The following PRR16 variants were observed in gnomAD, a reference collection of about 807,000 sequenced individuals.
PRR16 encodes protein Largen.
In PRR16, 6 loss-of-function variants were observed where a neutral mutation model predicts 18.2. That is an observed-to-expected ratio of 0.33 (90% CI 0.18 to 0.65). The LOEUF is 0.65. Among genes scored for constraint, PRR16 ranks in the 30% least tolerant of loss-of-function variants. The pLI is 0.74. For missense variants in PRR16, 412 were observed against 376.6 expected, an observed-to-expected ratio of 1.09 and a Z score of -0.78; for synonymous variants, 151 against 147.8, an observed-to-expected ratio of 1.02 and a Z score of -0.16.
At chr5:120,679,657 T>A (rs1368697206) in intron 1 of PRR16, among the ~76,000 whole-genome samples, 2 of 152,172 alleles carry the variant, frequency 1.3e-5, no homozygotes, top group Non-Finnish European at 2.9e-5. Flanking sequence ...AGATATTTAC[T>A]ATTCAACCTT....
intron 1 of PRR16, among the ~76,000 whole-genome samples, chr5:120,610,869 G>T (rs1440740920): frequency 6.6e-6 from 1 of 152,210 alleles, no homozygotes; most frequent in African/African-American, 2.4e-5. Context: ...TAGGTAACAG[G>T]CAGAGAGGTT....
chr5:120,659,332 TTC>T (rs1756097059), intron 1 of PRR16, among the ~76,000 whole-genome samples: 1 of 152,138 alleles, frequency 6.6e-6, no homozygotes, highest in Admixed American at 6.6e-5. Flanking sequence ...CCTTGAGAGT[TTC>T]TGTTTGTTTT....
At chr5:120,581,353 A>C (rs893308513) in intron 1 of PRR16, among the ~76,000 whole-genome samples, 3 of 152,098 alleles carry the variant, frequency 2.0e-5, no homozygotes, top group Admixed American at 1.3e-4. Context: ...TTTCTGTGGG[A>C]TCAGTGGTGA....
the PRR16 span, among the ~76,000 whole-genome samples, chr5:120,785,589 T>TTTTTTTTTTTTTTTTTG: frequency 3.5e-5 from 5 of 144,184 alleles, 1 homozygote; most frequent in South Asian, 4.5e-4. Flanking sequence ...TTTTTTTTTT[T>TTTTTTTTTTTTTTTTTG]TGAGACAGAG....
intron 1 of PRR16, among the ~76,000 whole-genome samples, chr5:120,638,902 G>C (rs938993378): frequency 3.9e-5 from 6 of 152,080 alleles, no homozygotes; most frequent in Admixed American, 2.6e-4. Context: ...AATATAGGAA[G>C]ATGTTATTTT....
At chr5:120,660,184 C>G (rs1756128612) in intron 1 of PRR16, among the ~76,000 whole-genome samples, 1 of 152,036 alleles carries the variant, frequency 6.6e-6, no homozygotes, top group African/African-American at 2.4e-5. Flanking sequence ...TAGAAATTTT[C>G]CATCTTCTAG....
chr5:120,465,100 G>C (rs1325003562), intron 1 of PRR16, among the ~76,000 whole-genome samples: 1 of 152,134 alleles, frequency 6.6e-6, no homozygotes, highest in East Asian at 1.9e-4. Context: ...GCCGGGTTCT[G>C]GGCCCTGGGC....
chr5:120,659,729 G>A (rs1309190750), intron 1 of PRR16, among the ~76,000 whole-genome samples: 3 of 151,766 alleles, frequency 2.0e-5, no homozygotes, highest in Non-Finnish European at 4.4e-5. Flanking sequence ...CTTGTCTCTT[G>A]TATTTATACT....
Position 120,550,703 on chromosome 5 carries a change from C to A in PRR16, c.159+86058C>A, listed in dbSNP as rs535738594. ...ATTTGTGTAAGTGCTCAGCATAATA[C>A]CTTCAACATAGCCATTTCCACCATT... On this transcript the variant is annotated intron_variant, in intron 1 of 1. Transcript: ENST00000407149. Among the ~76,000 whole-genome samples the A allele has an allele frequency of 2.8e-4, 42 of 152,102 alleles. 1 individual carries two copies. In the East Asian group the frequency reaches 7.6e-3, roughly 27 times the overall value.
chr5:120,578,179 G>T (rs1753142382), intron 1 of PRR16, among the ~76,000 whole-genome samples: 1 of 152,074 alleles, frequency 6.6e-6, no homozygotes, highest in Non-Finnish European at 1.5e-5. Context: ...GCATAAATTT[G>T]CTTGATTGTG....
chr5:120,532,803 A>C (rs1359394282), intron 1 of PRR16, among the ~76,000 whole-genome samples: 1 of 152,176 alleles, frequency 6.6e-6, no homozygotes, highest in Non-Finnish European at 1.5e-5. Flanking sequence ...ATACTAGAGA[A>C]ATGACAAAGA....
chr5:120,496,840 G>A lies in PRR16; in HGVS notation c.159+32195G>A, dbSNP rs779845761. On this transcript the variant is annotated intron_variant, in intron 1 of 1. Transcript: ENST00000407149. ...CTCTTAACTAATTTAAGTGTGCAGT[G>A]CTACACATTTCCCACTCAGCACTGC... is the stretch of plus-strand genomic sequence containing the variant. Among the ~76,000 whole-genome samples the A allele has an allele frequency of 1.0e-3, 156 of 151,964 alleles. 1 individual carries two copies. Among genetic ancestry groups the A allele is most frequent in the Non-Finnish European group, 1.8e-3 (125 of 67,940 alleles).
chr5:120,555,287 T>C (rs987154542), intron 1 of PRR16, among the ~76,000 whole-genome samples: 7 of 151,934 alleles, frequency 4.6e-5, no homozygotes, highest in African/African-American at 1.7e-4. Flanking sequence ...TCGAGCACTG[T>C]TAAAAATAAG....
intron 1 of PRR16, among the ~76,000 whole-genome samples, chr5:120,631,465 CT>C (rs1755051986): frequency 6.6e-6 from 1 of 152,038 alleles, no homozygotes; most frequent in African/African-American, 2.4e-5. Flanking sequence ...CACTGGTGGC[CT>C]AGAAATAGAT....
At chr5:120,704,779 C>T in the PRR16 span, among the ~76,000 whole-genome samples, 1 of 152,072 alleles carries the variant, frequency 6.6e-6, no homozygotes, top group African/African-American at 2.4e-5. Context: ...TAATACAATA[C>T]AGAGAATGGC....
At chr5:120,545,815 T>C (rs1752057669) in intron 1 of PRR16, among the ~76,000 whole-genome samples, 1 of 152,104 alleles carries the variant, frequency 6.6e-6, no homozygotes, top group Non-Finnish European at 1.5e-5. Context: ...CACATTTGAT[T>C]CCTAATTCCC....
the PRR16 span, among the ~76,000 whole-genome samples, chr5:120,702,599 C>A: frequency 1.3e-5 from 2 of 152,082 alleles, no homozygotes; most frequent in Admixed American, 1.3e-4. Context: ...GAGAGGTGTC[C>A]GTGAAATGAT....
chr5:120,782,771 A>C, the PRR16 span, among the ~76,000 whole-genome samples: 2 of 152,104 alleles, frequency 1.3e-5, no homozygotes, highest in Non-Finnish European at 2.9e-5. Context: ...GGGCCCTGCA[A>C]ATTTTGTGGC....
intron 1 of PRR16, among the ~76,000 whole-genome samples, chr5:120,580,914 G>T (rs1283474043): frequency 1.3e-5 from 2 of 152,174 alleles, no homozygotes; most frequent in African/African-American, 4.8e-5. Flanking sequence ...TGTGCTGCTG[G>T]ATTTGGTTTT....
Sources: gnomAD v4.1 joint callset for allele counts (sites outside exome capture counted in the v4.1 genomes callset) on GRCh38, gnomAD v4.1.1 for gene constraint, MANE v1.5 for transcripts, NCBI Gene and HGNC (gene_info 2026-07-23, HGNC 2026-07-21) for gene names.